Variants in RSU1 observed in about 807,000 individuals in gnomAD.
The protein encoded by RSU1 is rsu-1.
RSU1 carries 26 observed loss-of-function variants against 31.1 expected under a neutral mutation model. The ratio of observed to expected loss-of-function variants is 0.84; its 90% CI spans 0.61 to 1.16. RSU1 has a LOEUF of 1.16. Ranked by LOEUF, RSU1 falls within the 50% of genes most tolerant of loss-of-function variation. The pLI, the probability that RSU1 is intolerant of heterozygous loss-of-function variation, is 0.00. For synonymous variants in RSU1, 164 were observed against 136.3 expected (o/e 1.20, Z -1.41); for missense variants, 320 against 339.1 (o/e 0.94, Z 0.44).
At chr10:16,798,081 C>T (rs938335672) in intron 2 of RSU1, among the ~76,000 whole-genome samples, 1 of 151,824 alleles carries the variant, frequency 6.6e-6, no homozygotes, top group Non-Finnish European at 1.5e-5. Context: ...AGGCTGGTCT[C>T]GAACTCCTGA....
At chr10:16,620,517 T>C (rs1253522627) in intron 8 of RSU1, among the ~76,000 whole-genome samples, 1 of 151,618 alleles carries the variant, frequency 6.6e-6, no homozygotes, top group Non-Finnish European at 1.5e-5. Context: ...AATCTTCCAT[T>C]TTTGCGGGAG....
intron 7 of RSU1, among the ~76,000 whole-genome samples, chr10:16,728,731 T>C (rs2131597948): frequency 6.6e-6 from 1 of 152,200 alleles, no homozygotes. Context: ...CAGTGGTGCT[T>C]ATAAGAGGGA....
At chr10:16,719,194 G>A (rs1836205930) in intron 7 of RSU1, among the ~76,000 whole-genome samples, 1 of 151,970 alleles carries the variant, frequency 6.6e-6, no homozygotes. Flanking sequence ...TCTAGTCCCA[G>A]CTACTCAGGA....
intron 7 of RSU1, among the ~76,000 whole-genome samples, chr10:16,723,710 C>T (rs1836327860): frequency 6.6e-6 from 1 of 152,088 alleles, no homozygotes; most frequent in Non-Finnish European, 1.5e-5. Flanking sequence ...TCAGGGCTAA[C>T]ACAGGACAGT....
At chr10:16,815,747 C>T (rs1169593083) in intron 2 of RSU1, among the ~76,000 whole-genome samples, 1 of 152,120 alleles carries the variant, frequency 6.6e-6, no homozygotes, top group Non-Finnish European at 1.5e-5. Flanking sequence ...ACCACCTTCA[C>T]AGAGGAGGGA....
At chr10:16,767,244 G>T (rs773170260) in intron 3 of RSU1, 4 of 152,188 alleles carry the variant, frequency 2.6e-5, no homozygotes, top group Non-Finnish European at 4.4e-5. Context: ...AGTGAAACCA[G>T]GAGAAAATGA....
At chr10:16,650,590 T>G (rs527691354) in intron 8 of RSU1, among the ~76,000 whole-genome samples, 1 of 149,820 alleles carries the variant, frequency 6.7e-6, no homozygotes, top group African/African-American at 2.5e-5. Context: ...TTTTTTTTTT[T>G]TTTTTGTGAG....
intron 8 of RSU1, among the ~76,000 whole-genome samples, chr10:16,669,033 C>T (rs531338412): frequency 4.6e-5 from 7 of 152,234 alleles, no homozygotes; most frequent in African/African-American, 9.6e-5. Context: ...CTTTCTGTAG[C>T]GGTTCAAGCC....
intron 8 of RSU1, among the ~76,000 whole-genome samples, chr10:16,595,254 A>G (rs1833592077): frequency 6.6e-6 from 1 of 152,236 alleles, no homozygotes; most frequent in Admixed American, 6.5e-5. Flanking sequence ...ACCATGGCTG[A>G]CAGGCAGAGG....
chr10:16,631,053 T>C (rs913406450), intron 8 of RSU1, among the ~76,000 whole-genome samples: 2 of 152,226 alleles, frequency 1.3e-5, no homozygotes, highest in Non-Finnish European at 2.9e-5. Context: ...TTTTATGGTT[T>C]TTCATTTTTC....
At chr10:16,782,691 G>A (rs1837679209) in intron 2 of RSU1, among the ~76,000 whole-genome samples, 1 of 152,030 alleles carries the variant, frequency 6.6e-6, no homozygotes, top group Non-Finnish European at 1.5e-5. Context: ...ATTGCTCTCT[G>A]GCTTCAAACA....
chr10:16,743,907 G>A lies in RSU1; in HGVS notation c.598+8632C>T, dbSNP rs531766509. Among the ~76,000 whole-genome samples the A allele has an allele frequency of 6.6e-5, 10 of 152,202 alleles. No homozygotes were observed. In the South Asian group the frequency reaches 2.1e-3, roughly 32 times the overall value. On this transcript the variant is annotated intron_variant, in intron 7 of 8. Coordinates refer to ENST00000345264, the MANE Select transcript of RSU1 (RefSeq NM_012425.4). The stretch of plus-strand genomic sequence containing the variant: ...ACATTTTGGGAGGACAAGGTGGAAG[G>A]ACGGCCTCAGCTCAGGAGTTCGAGA...
At chr10:16,759,637 G>A (rs182794875) in intron 4 of RSU1, among the ~76,000 whole-genome samples, 13 of 152,288 alleles carry the variant, frequency 8.5e-5, no homozygotes, top group Admixed American at 5.2e-4. Flanking sequence ...AGTTGGGCAC[G>A]GTGGTCCTGC....
intron 3 of RSU1, among the ~76,000 whole-genome samples, chr10:16,764,796 A>T (rs1462709458): frequency 6.6e-6 from 1 of 152,158 alleles, no homozygotes; most frequent in Non-Finnish European, 1.5e-5. Flanking sequence ...CACAACAGAG[A>T]ATTTCTGTAC....
At chr10:16,811,901 A>G (rs10752061) in intron 2 of RSU1, among the ~76,000 whole-genome samples, 66,757 of 152,018 alleles carry the variant, frequency 0.44, 16,506 homozygotes, top group African/African-American at 0.68. Context: ...GTAGAGAGAC[A>G]CTTCAGCTAG....
rs1035305444 is a variant in RSU1 at position 16,593,182 on chromosome 10, G to T, written c.*212C>A. ...GTTCCCTGCTTTTGGTAATGTTAAA[G>T]AAACAAATGGAAATGGTTTAAAGAC... is the stretch of plus-strand genomic sequence containing the variant. On this transcript the variant is annotated 3_prime_UTR_variant, in exon 9 of 9. Transcript: ENST00000345264. 29 of 884,302 alleles carry T rather than the reference G, an allele frequency of 3.3e-5. No individual in the cohort carries two copies. Among genetic ancestry groups the T allele is most frequent in the Non-Finnish European group, 4.5e-5 (29 of 642,848 alleles). 54.8% of individuals were successfully genotyped at this position (884,302 alleles called of 1,614,324 possible). A position where few individuals can be genotyped will look rare whatever the true frequency, so the allele number is the denominator to read the frequency against.
chr10:16,688,226 A>G (rs1288748564), intron 8 of RSU1, among the ~76,000 whole-genome samples: 1 of 152,194 alleles, frequency 6.6e-6, no homozygotes, highest in African/African-American at 2.4e-5. Context: ...TAAATGCAAC[A>G]TATTTTCTTG....
At chr10:16,807,035 G>A (rs1838286258) in intron 2 of RSU1, among the ~76,000 whole-genome samples, 1 of 152,144 alleles carries the variant, frequency 6.6e-6, no homozygotes, top group African/African-American at 2.4e-5. Flanking sequence ...TGGGATTACA[G>A]CAGGCATGAG....
chr10:16,718,433 A>G (rs1050140366), intron 7 of RSU1, among the ~76,000 whole-genome samples: 14 of 152,218 alleles, frequency 9.2e-5, no homozygotes, highest in African/African-American at 3.4e-4. Context: ...TTATTTGATT[A>G]TCCTGATCTG....
Sources: allele counts gnomAD v4.1 joint callset (sites outside exome capture counted in the v4.1 genomes callset), GRCh38; gene constraint gnomAD v4.1.1; transcripts MANE v1.5; gene names NCBI Gene and HGNC (gene_info 2026-07-23, HGNC 2026-07-21).